Variants in SNX29 observed in about 807,000 individuals in gnomAD.
SNX29 encodes sorting nexin-29.
In SNX29, 78 loss-of-function variants were observed where a neutral mutation model predicts 102.1. The observed-to-expected ratio is 0.76, with a 90% CI of 0.64 to 0.92. The LOEUF (loss-of-function observed/expected upper bound fraction) is 0.92, where lower values mean the gene tolerates loss of function less well. Ranked by LOEUF, SNX29 falls within the 40% of genes least tolerant of loss-of-function variation. The pLI, the probability that SNX29 is intolerant of heterozygous loss-of-function variation, is 0.00. For synonymous variants in SNX29, 580 were observed against 414.5 expected (o/e 1.40, Z -4.85); for missense variants, 1,280 against 1,061.7 (o/e 1.21, Z -2.86).
At chr16:12,155,087 C>T (rs1286723038) in intron 13 of SNX29, among the ~76,000 whole-genome samples, 1 of 152,170 alleles carries the variant, frequency 6.6e-6, no homozygotes, top group Non-Finnish European at 1.5e-5. Context: ...GTGGCTGCCT[C>T]TGCTGGATGC....
At position 12,089,436 on chromosome 16, in the gene SNX29, A is replaced by G. The variant is rs539768102; in HGVS notation, c.1402+10521A>G. Among the ~76,000 whole-genome samples, 22 of 152,212 alleles carry G rather than the reference A, an allele frequency of 1.4e-4. 1 individual carries two copies. The highest frequency in any genetic ancestry group is 2.9e-4 in the Non-Finnish European group (20 of 68,040). On this transcript the variant is annotated intron_variant, in intron 11 of 20. Transcript: ENST00000566228. ...ATCGCCACACTGCTACTCTTGGTTT[A>G]TATACTGATGAACAAGAAGCAAAGG...
intron 11 of SNX29, among the ~76,000 whole-genome samples, chr16:12,091,037 A>AAAAAAAAAAAAAAAAAAAAAAAC (rs1555458474): frequency 1.1e-5 from 1 of 92,600 alleles, no homozygotes; most frequent in Non-Finnish European, 2.1e-5. Context: ...AAAAAAAAAA[A>AAAAAAAAAAAAAAAAAAAAAAAC]AGAAAGAAAA....
chr16:12,261,309 G>A (rs2078750753), intron 14 of SNX29, among the ~76,000 whole-genome samples: 1 of 132,490 alleles, frequency 7.5e-6, no homozygotes, highest in Admixed American at 8.1e-5. Flanking sequence ...TCCCCGGCTG[G>A]AGTAAGTGTT....
In SNX29 at chr16:12,277,337, C is replaced by G. The variant is rs139364208; in HGVS notation, c.1679-596C>G. 5.7e-3 allele frequency among the ~76,000 whole-genome samples: 871 copies of G among 152,148 alleles called. 13 individuals carry two copies. The highest frequency in any genetic ancestry group is 5.2e-3 in the Non-Finnish European group (357 of 68,008). ...ATCGTTTGAGCCCAGGAGTTCGAGG[C>G]TGTAGTGAGCTAAATGATTGATTGT... is the stretch of plus-strand genomic sequence containing the variant. On this transcript the variant is annotated intron_variant, in intron 14 of 20. Transcript: ENST00000566228.
At position 12,051,893 on chromosome 16, in the gene SNX29, C is replaced by T. The variant is rs745772322; in HGVS notation, c.795C>T (p.Asn265=). 1.9e-6 allele frequency: 3 copies of T among 1,612,028 alleles called. No homozygotes were observed. Among genetic ancestry groups the T allele is most frequent in the South Asian group, 1.1e-5 (1 of 90,996 alleles). The change falls in exon 8 of 21, where the codon AAC becomes AAT. Residue 265 remains asparagine (N), a synonymous_variant. Coordinates refer to ENST00000566228, the MANE Select transcript of SNX29 (RefSeq NM_032167.5). ...GGAAGAAGAAAAAGAAAGTGACCAA[C>T]ATAATCTCATTTGATGATGAGGAAG... ...KERKKKKKVT[N]IISFDDEEDE...
rs2079136370 is a variant in SNX29, at chr16:12,569,351, G to GTA, written c.*722_*723insTA. 1 of 229,350 alleles carries GTA rather than the reference G, an allele frequency of 4.4e-6. No homozygotes were observed. Among genetic ancestry groups the GTA allele is most frequent in the Non-Finnish European group, 8.6e-6 (1 of 115,802 alleles). The allele number at this position is 229,350 out of a possible 1,614,324, so 14.2% of individuals were successfully genotyped here. ...ATAGCCTGAGGCCACCTAGGCCCTC[G>GTA]CCAGGCTTGGAGTGGGGGGACTCAG... is the stretch of plus-strand genomic sequence containing the variant. On this transcript the variant is annotated 3_prime_UTR_variant, in exon 21 of 21. Transcript: ENST00000566228.
intron 13 of SNX29, among the ~76,000 whole-genome samples, chr16:12,177,870 C>T (rs972069360): frequency 1.3e-5 from 2 of 152,176 alleles, no homozygotes. Context: ...ATGAAATTCC[C>T]CCTGCCCTCA....
intron 15 of SNX29, among the ~76,000 whole-genome samples, chr16:12,279,719 C>A (rs978448040): frequency 6.6e-6 from 1 of 152,206 alleles, no homozygotes. Flanking sequence ...CGTTCCACAG[C>A]CACTTATTGG....
At chr16:12,395,193 T>A (rs1296732910) in intron 16 of SNX29, among the ~76,000 whole-genome samples, 3 of 152,184 alleles carry the variant, frequency 2.0e-5, no homozygotes, top group Non-Finnish European at 2.9e-5. Context: ...TCTAGTGTCT[T>A]CCCAGGTTTG....
At chr16:12,376,369 C>A (rs1446174268) in intron 16 of SNX29, among the ~76,000 whole-genome samples, 1 of 152,172 alleles carries the variant, frequency 6.6e-6, no homozygotes, top group Non-Finnish European at 1.5e-5. Context: ...ACTTTGGTCA[C>A]AAATCATCTG....
intron 14 of SNX29, among the ~76,000 whole-genome samples, chr16:12,267,940 C>T (rs553965049): frequency 2.6e-5 from 4 of 152,312 alleles, no homozygotes; most frequent in South Asian, 2.1e-4. Context: ...ATGTCTCCCT[C>T]CTCCATTATC....
chr16:12,559,786 C>G (rs2078610760), intron 20 of SNX29, among the ~76,000 whole-genome samples: 1 of 152,132 alleles, frequency 6.6e-6, no homozygotes, highest in South Asian at 2.1e-4. Flanking sequence ...TACACAGCAC[C>G]TTCGTCCTTA....
chr16:12,386,379 C>G (rs576808387), intron 16 of SNX29, among the ~76,000 whole-genome samples: 25 of 152,342 alleles, frequency 1.6e-4, no homozygotes, highest in African/African-American at 4.6e-4. Context: ...GCTGGAATTA[C>G]CATATTCTTT....
Position 12,572,101 on chromosome 16 carries a change from T to A in SNX29, c.*3472T>A, listed in dbSNP as rs114219590. The A allele has an allele frequency of 1.1e-3, 1,161 of 1,057,786 alleles. 11 individuals carry two copies. The African/African-American group carries it at 0.017, about 16-fold the overall frequency. The allele number at this position is 1,057,786 out of a possible 1,614,324, so 65.5% of individuals were successfully genotyped here. A position where few individuals can be genotyped will look rare whatever the true frequency, so the allele number is the denominator to read the frequency against. On this transcript the variant is annotated 3_prime_UTR_variant, in exon 21 of 21. Transcript: ENST00000566228. ...GAAGAGGAAGGGGAGGGATGTGGAC[T>A]GGGTCTGATCACAGCCCTTGGCCCT...
At chr16:12,485,447 G>A (rs1041702256) in intron 19 of SNX29, among the ~76,000 whole-genome samples, 10 of 152,306 alleles carry the variant, frequency 6.6e-5, no homozygotes, top group Non-Finnish European at 1.3e-4. Context: ...TGGAGCCACA[G>A]ATAATTCAAC....
At chr16:12,259,990 G>A (rs945801124) in intron 14 of SNX29, among the ~76,000 whole-genome samples, 3 of 152,114 alleles carry the variant, frequency 2.0e-5, no homozygotes, top group Non-Finnish European at 2.9e-5. Flanking sequence ...CTGCTGATGC[G>A]CGGCCACGTT....
At chr16:12,508,057 T>G (rs976134149) in intron 19 of SNX29, among the ~76,000 whole-genome samples, 1 of 152,238 alleles carries the variant, frequency 6.6e-6, no homozygotes, top group Admixed American at 6.5e-5. Context: ...GCAAGCTAAT[T>G]GATCTCTGTG....
At position 12,180,668 on chromosome 16, in the gene SNX29, G is replaced by A. The variant is rs138633111; in HGVS notation, c.1596-18933G>A. 2.7e-4 allele frequency among the ~76,000 whole-genome samples: 41 copies of A among 152,230 alleles called. 1 individual carries two copies. In the East Asian group the frequency reaches 7.9e-3, roughly 29 times the overall value. On this transcript the variant is annotated intron_variant, in intron 13 of 20. Transcript: ENST00000566228. ...CCGGCTAATTTTTTAAATATTTTTA[G>A]TAGAGACGGGGTTTCACCGTGTAAG...
At chr16:12,488,837 C>A (rs1216048732) in intron 19 of SNX29, among the ~76,000 whole-genome samples, 1 of 152,180 alleles carries the variant, frequency 6.6e-6, no homozygotes, top group Non-Finnish European at 1.5e-5. Flanking sequence ...TCTCAGTGAA[C>A]CCACCAGAAT....
Sources: gnomAD v4.1 joint callset for allele counts (sites outside exome capture counted in the v4.1 genomes callset) on GRCh38, gnomAD v4.1.1 for gene constraint, MANE v1.5 for transcripts, NCBI Gene and HGNC (gene_info 2026-07-23, HGNC 2026-07-21) for gene names.